Variants in CADPS2 observed in about 807,000 individuals in gnomAD.
CADPS2 encodes calcium dependent secretion activator 2, also known as calcium-dependent secretion activator 2.
In CADPS2, 93 loss-of-function variants were observed where a neutral mutation model predicts 172.5. That is an observed-to-expected ratio of 0.54 (90% CI 0.46 to 0.64). CADPS2 has a LOEUF of 0.64. Ranked by LOEUF, CADPS2 falls within the 30% of genes least tolerant of loss-of-function variation. The probability of loss-of-function intolerance (pLI) is 0.00; values close to 1 mark genes in which losing one functional copy is unlikely to be tolerated. For missense variants in CADPS2, 1,420 were observed against 1,565.9 expected (o/e 0.91, Z 1.57); for synonymous variants, 546 against 555.2 (o/e 0.98, Z 0.23).
In CADPS2 at chr7:122,625,755, A is replaced by ATC. The variant is rs143167320; in HGVS notation, c.867+3491_867+3492dup. 2.7e-4 allele frequency among the ~76,000 whole-genome samples: 40 copies of ATC among 148,948 alleles called. No homozygotes were observed. In the South Asian group the frequency reaches 2.8e-3, roughly 10 times the overall value. On this transcript the variant is annotated intron_variant, in intron 4 of 29. Coordinates refer to ENST00000449022, the MANE Select transcript of CADPS2 (RefSeq NM_017954.11). ...GGAGCCAATTCCTTGAACGCAATCAATCTCTCTCTCTCTCTCTCCCTGCCC... is the reference window on the plus strand; with the variant it reads ...GGAGCCAATTCCTTGAACGCAATCAATCTCTCTCTCTCTCTCTCTCCCTGCCC...
chr7:122,378,710 T>C (rs535916438), intron 25 of CADPS2: 64 of 152,268 alleles, frequency 4.2e-4, no homozygotes, highest in Admixed American at 4.2e-3. Flanking sequence ...CCATTCTCTC[T>C]GTTCATCCTC....
intron 4 of CADPS2, among the ~76,000 whole-genome samples, chr7:122,628,281 T>TA (rs1455707328): frequency 6.6e-6 from 1 of 152,058 alleles, no homozygotes; most frequent in Non-Finnish European, 1.5e-5. Flanking sequence ...TTTGCAGAAG[T>TA]AAAAAAATAA....
intron 2 of CADPS2, chr7:122,698,919 C>G: frequency 1.3e-6 from 2 of 1,560,294 alleles, no homozygotes; most frequent in Non-Finnish European, 1.7e-6. Flanking sequence ...GTAGATGCAT[C>G]TCTCTCTTCT....
intron 1 of CADPS2, among the ~76,000 whole-genome samples, chr7:122,852,155 G>A (rs942904582): frequency 1.3e-5 from 2 of 152,146 alleles, no homozygotes; most frequent in Non-Finnish European, 1.5e-5. Flanking sequence ...AAAGCAAGCT[G>A]ATAAATTATT....
chr7:122,453,223 C>T (rs1490947172), intron 14 of CADPS2, among the ~76,000 whole-genome samples: 1 of 152,034 alleles, frequency 6.6e-6, no homozygotes, highest in Non-Finnish European at 1.5e-5. Context: ...AAATTAATGG[C>T]CAAATATTAG....
chr7:122,882,919 A>T (rs977046561), intron 1 of CADPS2, among the ~76,000 whole-genome samples: 4 of 152,094 alleles, frequency 2.6e-5, no homozygotes, highest in Admixed American at 2.6e-4. Context: ...GGATATGTTC[A>T]TTTAGGAGGT....
intron 1 of CADPS2, among the ~76,000 whole-genome samples, chr7:122,783,740 C>G (rs762506017): frequency 1.3e-5 from 2 of 152,098 alleles, no homozygotes; most frequent in East Asian, 1.9e-4. Flanking sequence ...GTGGACTTTC[C>G]GAGTAAAAAC....
chr7:122,659,049 T>C (rs2080183817), intron 3 of CADPS2, among the ~76,000 whole-genome samples: 1 of 152,018 alleles, frequency 6.6e-6, no homozygotes. Context: ...TCTCATTACC[T>C]AATATATCTG....
At chr7:122,332,755 T>C (rs949272909) in intron 28 of CADPS2, among the ~76,000 whole-genome samples, 37 of 152,212 alleles carry the variant, frequency 2.4e-4, no homozygotes, top group African/African-American at 8.9e-4. Flanking sequence ...GTTCTGTAAA[T>C]TGGGAGCTGC....
chr7:122,448,325 A>C (rs2152016026), intron 15 of CADPS2, among the ~76,000 whole-genome samples: 1 of 152,280 alleles, frequency 6.6e-6, no homozygotes, highest in East Asian at 1.9e-4. Context: ...TCATGAGAAC[A>C]GCATGGGGGA....
chr7:122,807,660 G>T (rs1446295016), intron 1 of CADPS2, among the ~76,000 whole-genome samples: 1 of 152,190 alleles, frequency 6.6e-6, no homozygotes, highest in Admixed American at 6.5e-5. Flanking sequence ...CAAGATCAAA[G>T]TGTTGGCAGG....
At chr7:122,880,453 C>T (rs960660888) in intron 1 of CADPS2, among the ~76,000 whole-genome samples, 10 of 152,144 alleles carry the variant, frequency 6.6e-5, no homozygotes, top group African/African-American at 1.9e-4. Flanking sequence ...TTCCTTGCTT[C>T]GAGTATCCCC....
intron 1 of CADPS2, among the ~76,000 whole-genome samples, chr7:122,758,916 C>T (rs1310844153): frequency 1.3e-5 from 2 of 150,248 alleles, no homozygotes; most frequent in African/African-American, 2.5e-5. Flanking sequence ...CCAAGGTTAA[C>T]ATAATTAAAG....
At chr7:122,431,879 C>G (rs971703945) in intron 17 of CADPS2, among the ~76,000 whole-genome samples, 4 of 143,218 alleles carry the variant, frequency 2.8e-5, no homozygotes, top group Non-Finnish European at 4.5e-5. Context: ...CAAGATCGTG[C>G]CACTGCACAC....
chr7:122,441,688 ATAT>A, intron 15 of CADPS2, 113 bp from the exon 16 acceptor site: 1 of 610,212 alleles, frequency 1.6e-6, no homozygotes, highest in Non-Finnish European at 2.7e-6. Context: ...CAAACAGAAA[ATAT>A]TATAGCATGA....
chr7:122,644,565 T>C (rs2134637564), intron 3 of CADPS2, among the ~76,000 whole-genome samples: 1 of 152,310 alleles, frequency 6.6e-6, no homozygotes, highest in Non-Finnish European at 1.5e-5. Context: ...TTAATTTTAT[T>C]CCAAAACAGA....
In CADPS2 at chr7:122,411,268, T is replaced by C. The variant is rs553258621; in HGVS notation, c.2589+2800A>G. Among the ~76,000 whole-genome samples the C allele has an allele frequency of 1.8e-3, 274 of 151,648 alleles. 2 individuals carry two copies. The highest frequency in any genetic ancestry group is 6.2e-3 in the African/African-American group (256 of 41,334). On this transcript the variant is annotated intron_variant, in intron 19 of 29. Transcript: ENST00000449022. Reference sequence around the variant, plus strand: ...TGGACTCTTGCTCTGTCGCCCAGGCTGGAGTGCAGCGGCACAATCTCGGCT... The same window carrying C: ...TGGACTCTTGCTCTGTCGCCCAGGCCGGAGTGCAGCGGCACAATCTCGGCT...
chr7:122,524,501 G>A (rs988802096), intron 8 of CADPS2, among the ~76,000 whole-genome samples: 2 of 152,128 alleles, frequency 1.3e-5, no homozygotes, highest in Admixed American at 6.6e-5. Context: ...AGGAGGTACT[G>A]TGAAGAAAAA....
chr7:122,472,134 T>A (rs2056040318), intron 13 of CADPS2, among the ~76,000 whole-genome samples: 1 of 152,184 alleles, frequency 6.6e-6, no homozygotes, highest in East Asian at 1.9e-4. Context: ...AATGTATGTG[T>A]GTGCATGCAT....
Sources: gnomAD v4.1 joint callset for allele counts (sites outside exome capture counted in the v4.1 genomes callset) on GRCh38, gnomAD v4.1.1 for gene constraint, MANE v1.5 for transcripts, NCBI Gene and HGNC (gene_info 2026-07-23, HGNC 2026-07-21) for gene names.